The following ARFGEF3 variants were observed in gnomAD, a reference collection of about 807,000 sequenced individuals.
ARFGEF3 encodes brefeldin A-inhibited guanine nucleotide-exchange protein 3.
A neutral mutation model predicts 221.7 loss-of-function variants in ARFGEF3; 96 were observed. That is an observed-to-expected ratio of 0.43 (90% CI 0.37 to 0.51). The LOEUF (loss-of-function observed/expected upper bound fraction) is 0.51, where lower values mean the gene tolerates loss of function less well. ARFGEF3 is among the 20% of genes least tolerant of loss of function. The pLI, the probability that ARFGEF3 is intolerant of heterozygous loss-of-function variation, is 0.00. For missense variants in ARFGEF3, 2,410 were observed against 2,789.9 expected (o/e 0.86, Z 3.07); for synonymous variants, 1,145 against 1,126.8 (o/e 1.02, Z -0.32).
intron 23 of ARFGEF3, among the ~76,000 whole-genome samples, 169 bp downstream of exon 23, chr6:138,307,566 G>A (rs1448854097): frequency 6.6e-6 from 1 of 152,244 alleles, no homozygotes; most frequent in Non-Finnish European, 1.5e-5. Flanking sequence ...TCTGCCAGCA[G>A]GCTGAGAGCC....
intron 12 of ARFGEF3, among the ~76,000 whole-genome samples, chr6:138,264,349 CAGAA>C (rs1325492499): frequency 6.6e-6 from 1 of 152,076 alleles, no homozygotes; most frequent in Non-Finnish European, 1.5e-5. Context: ...AAAGATAATA[CAGAA>C]AGAAATAAAT....
rs1780393901 is a variant in ARFGEF3 at position 138,339,734 on chromosome 6, ACCTAGCT to A, written c.*3252_*3258del. ...CCTCATGCACTGTCCACAGCATCTCACCTAGCTCCTGTATCTCCTGATCTGCTTTTAA... is the reference window on the plus strand; with the variant it reads ...CCTCATGCACTGTCCACAGCATCTCACCTGTATCTCCTGATCTGCTTTTAA... On this transcript the variant is annotated 3_prime_UTR_variant, in exon 34 of 34. Coordinates refer to ENST00000251691, the MANE Select transcript of ARFGEF3 (RefSeq NM_020340.5). The A allele has an allele frequency of 6.6e-6, 1 of 151,962 alleles. No individual in the cohort carries two copies. The highest frequency in any genetic ancestry group is 1.5e-5 in the Non-Finnish European group (1 of 67,994). 9.4% of individuals were successfully genotyped at this position (151,962 alleles called of 1,614,324 possible). A position where few individuals can be genotyped will look rare whatever the true frequency, so the allele number is the denominator to read the frequency against.
chr6:138,205,677 T>TGG (rs1338047558), intron 2 of ARFGEF3, among the ~76,000 whole-genome samples: 3 of 152,304 alleles, frequency 2.0e-5, no homozygotes, highest in South Asian at 4.1e-4. Context: ...GTAACAGAGT[T>TGG]GGGTAATTTA....
intron 2 of ARFGEF3, among the ~76,000 whole-genome samples, chr6:138,202,111 G>A (rs1777547921): frequency 6.6e-6 from 1 of 152,120 alleles, no homozygotes; most frequent in Non-Finnish European, 1.5e-5. Flanking sequence ...GAAACCTGGG[G>A]GCCACTGCCT....
rs375991360 is a variant in ARFGEF3 at position 138,282,308 on chromosome 6, G to A, written c.2461+2144G>A. On this transcript the variant is annotated intron_variant, in intron 14 of 33. Transcript: ENST00000251691. ...TCCTCTCCTGGCTCCAGCAGAAGGA[G>A]GTGCAGAGCAAGGCCCTGCCCTCTC... 5.3e-5 allele frequency among the ~76,000 whole-genome samples: 8 copies of A among 152,282 alleles called. No homozygotes were observed. In the South Asian group the frequency reaches 1.7e-3, roughly 32 times the overall value.
intron 5 of ARFGEF3, among the ~76,000 whole-genome samples, chr6:138,234,953 AG>A (rs1423844415): frequency 1.3e-5 from 2 of 152,222 alleles, no homozygotes; most frequent in African/African-American, 4.8e-5. Flanking sequence ...TATAAAACTA[AG>A]CACATTTTTA....
chr6:138,184,685 T>C (rs1457646633), intron 2 of ARFGEF3, among the ~76,000 whole-genome samples: 15 of 152,202 alleles, frequency 9.9e-5, no homozygotes, highest in Non-Finnish European at 4.4e-5. Context: ...AAATAAATTC[T>C]GGTGTCTGAA....
At chr6:138,165,202 C>T (rs72986831) in intron 1 of ARFGEF3, among the ~76,000 whole-genome samples, 14 of 141,588 alleles carry the variant, frequency 9.9e-5, no homozygotes, top group East Asian at 4.4e-4. Flanking sequence ...GACCATTGTG[C>T]GAGACAGGGG....
At chr6:138,201,674 A>G (rs957011112) in intron 2 of ARFGEF3, among the ~76,000 whole-genome samples, 1 of 152,186 alleles carries the variant, frequency 6.6e-6, no homozygotes, top group African/African-American at 2.4e-5. Context: ...CTTGAGGGGA[A>G]GAGTGGAAGG....
chr6:138,292,125 T>C, intron 19 of ARFGEF3, 72 bp downstream of exon 19: 1 of 1,296,764 alleles, frequency 7.7e-7, no homozygotes, highest in Non-Finnish European at 1.0e-6. Flanking sequence ...CTGGTTTCAG[T>C]CATGCCAGGG....
At chr6:138,198,335 T>C (rs926667861) in intron 2 of ARFGEF3, among the ~76,000 whole-genome samples, 4 of 152,210 alleles carry the variant, frequency 2.6e-5, no homozygotes, top group African/African-American at 9.6e-5. Context: ...GCCTGATGGG[T>C]GAATCCAATC....
At chr6:138,281,807 A>T (rs2114621391) in intron 14 of ARFGEF3, among the ~76,000 whole-genome samples, 1 of 152,340 alleles carries the variant, frequency 6.6e-6, no homozygotes, top group South Asian at 2.1e-4. Flanking sequence ...TTCATGGCTT[A>T]TTGTGGCTCG....
At chr6:138,332,013 C>T (rs1780236148) in intron 32 of ARFGEF3, among the ~76,000 whole-genome samples, 1 of 152,048 alleles carries the variant, frequency 6.6e-6, no homozygotes, top group Non-Finnish European at 1.5e-5. Flanking sequence ...AAAATGATCT[C>T]GGTGGATGAA....
chr6:138,177,403 G>GCTA (rs1231125005), intron 2 of ARFGEF3, among the ~76,000 whole-genome samples: 1 of 152,116 alleles, frequency 6.6e-6, no homozygotes, highest in Non-Finnish European at 1.5e-5. Flanking sequence ...ACAGGCATGA[G>GCTA]CTACTGCACC....
At position 138,317,330 on chromosome 6, in the gene ARFGEF3, A is replaced by C; in HGVS notation, c.4425A>C (p.Pro1475=). The C allele has an allele frequency of 6.2e-7, 1 of 1,613,990 alleles. No homozygotes were observed. The highest frequency in any genetic ancestry group is 1.7e-5 in the Admixed American group (1 of 60,020). Residue 1475 remains proline (P), a synonymous_variant, in exon 27 of 34, where the codon CCA becomes CCC. Coordinates refer to ENST00000251691, the MANE Select transcript of ARFGEF3 (RefSeq NM_020340.5). The part of the protein sequence containing the change: ...VSNCPRQHQP[P]TLDLLFELLR... ...ATTGTCCACGGCAGCACCAACCACC[A>C]ACTCTGGATTTACTCTTTGAGCTGT... is the stretch of plus-strand genomic sequence containing the variant.
Position 138,278,573 on chromosome 6 carries a change from G to C in ARFGEF3, c.2251G>C (p.Gly751Arg). The change falls in exon 13 of 34, where the codon GGT (glycine) becomes CGT (arginine). Residue 751 changes from glycine (G) to arginine (R), a missense_variant. Gly to Arg is a moderately radical substitution (Grantham distance 125). Around this residue, in one of 5 missense-constraint regions of ARFGEF3, gnomAD observed 594 missense variants for 734.3 expected, o/e 0.81. Transcript: ENST00000251691. The stretch of plus-strand genomic sequence containing the variant: ...GCTCCTCAACCTGAAGCTCTCCCAC[G>C]GTGACTACTACAGGAAGCGGCCGAC... Reference protein sequence around the residue: ...ALLLNLKLSHGDYYRKRPTLA... With the variant: ...ALLLNLKLSHRDYYRKRPTLA... 6.2e-7 allele frequency: 1 copy of C among 1,613,938 alleles called. No individual in the cohort carries two copies. Among genetic ancestry groups the C allele is most frequent in the Non-Finnish European group, 8.5e-7 (1 of 1,179,892 alleles).
intron 2 of ARFGEF3, among the ~76,000 whole-genome samples, chr6:138,189,832 C>A (rs777123205): frequency 1.1e-4 from 17 of 152,122 alleles, no homozygotes; most frequent in South Asian, 2.1e-4. Context: ...GTAATCTCAG[C>A]ACTTTAGGAG....
At chr6:138,239,279 A>G (rs1321316034) in intron 6 of ARFGEF3, among the ~76,000 whole-genome samples, 1 of 152,244 alleles carries the variant, frequency 6.6e-6, no homozygotes, top group Non-Finnish European at 1.5e-5. Flanking sequence ...TGCCTCTGTC[A>G]TAATTTAGAT....
At chr6:138,304,241 A>G (rs978755590) in intron 22 of ARFGEF3, among the ~76,000 whole-genome samples, 2 of 152,186 alleles carry the variant, frequency 1.3e-5, no homozygotes, top group African/African-American at 4.8e-5. Context: ...AAAGCCAGTC[A>G]CCAAAGACCA....
Sources: allele counts gnomAD v4.1 joint callset (sites outside exome capture counted in the v4.1 genomes callset), GRCh38; gene constraint gnomAD v4.1.1; regional missense constraint gnomAD v4.1.1; transcripts MANE v1.5; gene names NCBI Gene and HGNC (gene_info 2026-07-23, HGNC 2026-07-21).